Variants in MYO10 observed in about 807,000 individuals in gnomAD.
MYO10 encodes the protein myosin X, also known as unconventional myosin-X.
Under a neutral mutation model 257.3 loss-of-function variants are expected in MYO10, and 133 were observed. The ratio of observed to expected loss-of-function variants is 0.52; its 90% CI spans 0.45 to 0.60. The LOEUF (loss-of-function observed/expected upper bound fraction) is 0.60, where lower values mean the gene tolerates loss of function less well. Among genes scored for constraint, MYO10 ranks in the 20% least tolerant of loss-of-function variants. The pLI, the probability that MYO10 is intolerant of heterozygous loss-of-function variation, is 0.00. For missense variants in MYO10, 2,399 were observed against 2,635.7 expected, an observed-to-expected ratio of 0.91 and a Z score of 1.97; for synonymous variants, 1,104 against 1,028.6, an observed-to-expected ratio of 1.07 and a Z score of -1.40.
chr5:16,667,087 G>A (rs191534739), intron 40 of MYO10, among the ~76,000 whole-genome samples: 8 of 152,338 alleles, frequency 5.3e-5, no homozygotes, highest in South Asian at 2.1e-4. Context: ...AACCGAGGAC[G>A]CTGAAGTTAC....
chr5:16,864,913 C>CA (rs1231709722), intron 2 of MYO10, among the ~76,000 whole-genome samples: 2 of 152,136 alleles, frequency 1.3e-5, no homozygotes, highest in Admixed American at 6.5e-5. Context: ...GTCTTGAAAG[C>CA]AAGAATGAAA....
intron 19 of MYO10, among the ~76,000 whole-genome samples, chr5:16,739,469 G>A (rs983743503): frequency 4.6e-5 from 7 of 152,028 alleles, no homozygotes; most frequent in Non-Finnish European, 8.8e-5. Context: ...TTTAATGAGG[G>A]CAGTTTGGCT....
chr5:16,834,721 T>C lies in MYO10; in HGVS notation c.121-16554A>G, dbSNP rs190610323. Among the ~76,000 whole-genome samples the C allele has an allele frequency of 5.2e-3, 797 of 152,340 alleles. 5 individuals carry two copies. Among genetic ancestry groups the C allele is most frequent in the Non-Finnish European group, 6.9e-3 (471 of 68,032 alleles). The stretch of plus-strand genomic sequence containing the variant: ...ACTAAATAATAGGACAGTAATTCCT[T>C]GGCTGCCCTTAAGTGAAATGAAAAG... On this transcript the variant is annotated intron_variant, in intron 2 of 40. Coordinates refer to ENST00000513610, the MANE Select transcript of MYO10 (RefSeq NM_012334.3).
intron 37 of MYO10, 100 bp downstream of exon 37, chr5:16,672,589 C>G: frequency 7.1e-7 from 1 of 1,405,220 alleles, no homozygotes; most frequent in South Asian, 1.3e-5. Context: ...AACTCCAATA[C>G]AGCGTGAAGC....
At chr5:16,932,714 ACAAGCTTTG>A (rs942096928) in intron 1 of MYO10, among the ~76,000 whole-genome samples, 4 of 152,210 alleles carry the variant, frequency 2.6e-5, no homozygotes, top group African/African-American at 9.6e-5. Context: ...GCTGACTGGC[ACAAGCTTTG>A]CAAGCTTCCC....
chr5:16,716,262 G>T (rs767884472), intron 19 of MYO10, among the ~76,000 whole-genome samples: 20 of 151,890 alleles, frequency 1.3e-4, no homozygotes, highest in Non-Finnish European at 2.9e-4. Flanking sequence ...AGAATGCCTA[G>T]ATGATTAATA....
chr5:16,893,713 G>A (rs1745138342), intron 1 of MYO10, among the ~76,000 whole-genome samples: 1 of 151,034 alleles, frequency 6.6e-6, no homozygotes, highest in Non-Finnish European at 1.5e-5. Context: ...TACACCTCCT[G>A]TTGGGTTCAA....
chr5:16,876,315 C>G (rs927293604), intron 2 of MYO10, among the ~76,000 whole-genome samples: 4 of 152,108 alleles, frequency 2.6e-5, no homozygotes, highest in South Asian at 4.2e-4. Flanking sequence ...TCAAGCAAAC[C>G]AGTTTTTGGA....
chr5:16,935,792 G>C lies in MYO10; in HGVS notation c.17C>G (p.Thr6Ser), dbSNP rs1369113855. The change falls in exon 1 of 41, where the codon ACC (threonine) becomes AGC (serine). Residue 6 changes from threonine to serine, a missense_variant. Physicochemically the swap from Thr to Ser is moderately conservative, Grantham distance 58. This residue lies in a region of MYO10 where 242 missense variants were observed against 249.5 expected (regional missense o/e 0.97). Transcript: ENST00000513610. Reference protein sequence around the residue: MDNFFTEGTRVWLREN... With the variant: MDNFFSEGTRVWLREN... ...TCGGACTGGGAGCGCACTTACCTCGGTGAAGAAGTTATCCATTGTTCCAGC... is the reference window on the plus strand; with the variant it reads ...TCGGACTGGGAGCGCACTTACCTCGCTGAAGAAGTTATCCATTGTTCCAGC... 6.2e-7 allele frequency: 1 copy of C among 1,613,430 alleles called. No homozygotes were observed. Among genetic ancestry groups the C allele is most frequent in the South Asian group, 1.1e-5 (1 of 91,048 alleles).
chr5:16,759,882 T>G (rs1311462373), intron 17 of MYO10, among the ~76,000 whole-genome samples: 1 of 152,220 alleles, frequency 6.6e-6, no homozygotes, highest in Non-Finnish European at 1.5e-5. Flanking sequence ...AAAATAAGTT[T>G]GAAGATCAAA....
In MYO10 at chr5:16,738,810, G is replaced by A. The variant is rs148701461; in HGVS notation, c.1929+16018C>T. 3.3e-3 allele frequency among the ~76,000 whole-genome samples: 491 copies of A among 147,220 alleles called. 3 individuals carry two copies. Among genetic ancestry groups the A allele is most frequent in the African/African-American group, 0.012 (466 of 39,842 alleles). On this transcript the variant is annotated intron_variant, in intron 19 of 40. Coordinates refer to ENST00000513610, the MANE Select transcript of MYO10 (RefSeq NM_012334.3). ...GGAGGCTGAGGCAGGAGAATTGCAT[G>A]AACCTAGGAGGCAGAGATTGCAGTG...
At chr5:16,749,658 A>C (rs1380771319) in intron 19 of MYO10, among the ~76,000 whole-genome samples, 3 of 152,156 alleles carry the variant, frequency 2.0e-5, no homozygotes, top group Non-Finnish European at 2.9e-5. Context: ...TTTAAAGATG[A>C]TGCTGCTGGA....
At chr5:16,721,393 G>T (rs1239985793) in intron 19 of MYO10, among the ~76,000 whole-genome samples, 5 of 152,200 alleles carry the variant, frequency 3.3e-5, no homozygotes, top group Admixed American at 6.5e-5. Flanking sequence ...ACCTTGAACA[G>T]AAGGTAAATA....
At position 16,738,601 on chromosome 5, in the gene MYO10, C is replaced by CA. The variant is rs560508489; in HGVS notation, c.1929+16226dup. Among the ~76,000 whole-genome samples, 8 of 151,580 alleles carry CA rather than the reference C, an allele frequency of 5.3e-5. 1 individual carries two copies. In the East Asian group the frequency reaches 9.7e-4, roughly 18 times the overall value. ...GACAAAGTTAAAAAAACAACAACAACAAAAAAAGAGGCCGAGCATGGTGAC... is the reference window on the plus strand; with the variant it reads ...GACAAAGTTAAAAAAACAACAACAACAAAAAAAAGAGGCCGAGCATGGTGAC... On this transcript the variant is annotated intron_variant, in intron 19 of 40. Transcript: ENST00000513610.
At chr5:16,722,134 C>T (rs1229943745) in intron 19 of MYO10, among the ~76,000 whole-genome samples, 1 of 152,200 alleles carries the variant, frequency 6.6e-6, no homozygotes, top group Non-Finnish European at 1.5e-5. Context: ...CTCTCAAATG[C>T]TCCCTCCTGC....
chr5:16,735,194 T>C (rs1168157403), intron 19 of MYO10, among the ~76,000 whole-genome samples: 2 of 152,164 alleles, frequency 1.3e-5, no homozygotes, highest in South Asian at 2.1e-4. Flanking sequence ...AAAGGAGAGG[T>C]TGCTTTTATT....
intron 1 of MYO10, among the ~76,000 whole-genome samples, chr5:16,887,915 A>G (rs1744937944): frequency 6.6e-6 from 1 of 152,242 alleles, no homozygotes; most frequent in Non-Finnish European, 1.5e-5. Flanking sequence ...TAACACTAAA[A>G]GAAATGAGAC....
At position 16,910,478 on chromosome 5, in the gene MYO10, T is replaced by C. The variant is rs1037509413; in HGVS notation, c.21+25310A>G. Among the ~76,000 whole-genome samples, 7 of 152,328 alleles carry C rather than the reference T, an allele frequency of 4.6e-5. No individual in the cohort carries two copies. In the East Asian group the frequency reaches 1.3e-3, roughly 29 times the overall value. On this transcript the variant is annotated intron_variant, in intron 1 of 40. Transcript: ENST00000513610. ...ATAAAATGGGAATCATAATTTGTTC[T>C]TCATAGAGTTGGAAGGACCACGTGA... is the stretch of plus-strand genomic sequence containing the variant.
chr5:16,780,177 A>G lies in MYO10; in HGVS notation c.826+347T>C, dbSNP rs148343177. ...TGGCCTCCCAGAGTACTGGGATTACAGGTGTGTGCCACTGCACCCAGCCAA... is the reference window on the plus strand; with the variant it reads ...TGGCCTCCCAGAGTACTGGGATTACGGGTGTGTGCCACTGCACCCAGCCAA... On this transcript the variant is annotated intron_variant, in intron 8 of 40. Coordinates refer to ENST00000513610, the MANE Select transcript of MYO10 (RefSeq NM_012334.3). 3.3e-3 allele frequency among the ~76,000 whole-genome samples: 497 copies of G among 152,216 alleles called. 4 individuals carry two copies. The highest frequency in any genetic ancestry group is 0.012 in the African/African-American group (482 of 41,538).
Sources: gnomAD v4.1 joint callset for allele counts (sites outside exome capture counted in the v4.1 genomes callset) on GRCh38, gnomAD v4.1.1 for gene constraint, gnomAD v4.1.1 regional missense constraint, MANE v1.5 for transcripts, NCBI Gene and HGNC (gene_info 2026-07-23, HGNC 2026-07-21) for gene names.